Variants in RAB6A observed in about 807,000 individuals in gnomAD.
The protein encoded by RAB6A is RAB6A, member RAS oncogene family.
A neutral mutation model predicts 32.3 loss-of-function variants in RAB6A; 8 were observed. The observed-to-expected ratio is 0.25, with a 90% CI of 0.15 to 0.45. The LOEUF (loss-of-function observed/expected upper bound fraction) is 0.45, where lower values mean the gene tolerates loss of function less well. Among genes scored for constraint, RAB6A ranks in the 20% least tolerant of loss-of-function variants. RAB6A has a pLI of 1.00. For missense variants in RAB6A, 104 were observed against 249.4 expected (o/e 0.42, Z 3.93); for synonymous variants, 73 against 82.1 (o/e 0.89, Z 0.60).
chr11:73,741,937 T>C (rs1465746018), intron 1 of RAB6A, among the ~76,000 whole-genome samples: 1 of 152,072 alleles, frequency 6.6e-6, no homozygotes, highest in South Asian at 2.1e-4. Context: ...AGGAGACATA[T>C]AGGGACAAGA....
intron 6 of RAB6A, among the ~76,000 whole-genome samples, chr11:73,700,562 T>C (rs1273819807): frequency 2.7e-5 from 3 of 111,388 alleles, no homozygotes; most frequent in African/African-American, 1.1e-4. Context: ...CCAGCCTGGG[T>C]GACAGAGCAA....
chr11:73,724,805 C>T (rs1285780064), intron 2 of RAB6A, among the ~76,000 whole-genome samples: 2 of 152,056 alleles, frequency 1.3e-5, no homozygotes, highest in African/African-American at 2.4e-5. Context: ...TATTTCTTTA[C>T]AGCACTTTTG....
intron 3 of RAB6A, among the ~76,000 whole-genome samples, chr11:73,720,010 AAAT>A (rs961345909): frequency 4.9e-4 from 75 of 152,146 alleles, no homozygotes; most frequent in African/African-American, 1.7e-3. Context: ...ACTGGAAATT[AAAT>A]AATGTTTTTG....
At chr11:73,747,836 A>G (rs1380271123) in intron 1 of RAB6A, among the ~76,000 whole-genome samples, 1 of 152,160 alleles carries the variant, frequency 6.6e-6, no homozygotes, top group African/African-American at 2.4e-5. Flanking sequence ...GAGGCCATGA[A>G]TTCTTGGCAA....
intron 1 of RAB6A, among the ~76,000 whole-genome samples, chr11:73,731,831 T>G (rs956148564): frequency 6.8e-6 from 1 of 147,688 alleles, no homozygotes; most frequent in Non-Finnish European, 1.5e-5. Flanking sequence ...AACCTCCGCC[T>G]CCCGGGTTCA....
chr11:73,718,983 G>A, intron 3 of RAB6A: 6 of 1,186,226 alleles, frequency 5.1e-6, no homozygotes, highest in South Asian at 3.0e-5. Flanking sequence ...GGGAGAGGGT[G>A]GGAAGGAAGT....
At chr11:73,685,434 G>A (rs894708727) in intron 6 of RAB6A, among the ~76,000 whole-genome samples, 3 of 151,182 alleles carry the variant, frequency 2.0e-5, no homozygotes, top group African/African-American at 7.3e-5. Context: ...GACTACAGGT[G>A]CCTGTGCCAC....
chr11:73,760,385 G>A (rs919395749), intron 1 of RAB6A, among the ~76,000 whole-genome samples, 181 bp downstream of exon 1: 4 of 152,112 alleles, frequency 2.6e-5, no homozygotes, highest in Admixed American at 1.3e-4. Context: ...CGGGGAACAG[G>A]GTAAAAACTC....
chr11:73,719,496 T>C (rs1946103190), intron 3 of RAB6A, among the ~76,000 whole-genome samples: 1 of 152,244 alleles, frequency 6.6e-6, no homozygotes, highest in African/African-American at 2.4e-5. Context: ...GAGGAAGATC[T>C]TTTTGCAGCC....
At chr11:73,720,292 T>C (rs1305754153) in intron 3 of RAB6A, among the ~76,000 whole-genome samples, 1 of 151,254 alleles carries the variant, frequency 6.6e-6, no homozygotes, top group East Asian at 2.0e-4. Context: ...GCGATTCTCC[T>C]GCCTCAGCCT....
chr11:73,713,658 T>G (rs1946002867), intron 5 of RAB6A, among the ~76,000 whole-genome samples: 1 of 152,218 alleles, frequency 6.6e-6, no homozygotes, highest in Non-Finnish European at 1.5e-5. Flanking sequence ...GTATTCAAAC[T>G]TATCAATCAT....
At chr11:73,739,284 A>AATATATATATATATATATATAT (rs1555066941) in intron 1 of RAB6A, among the ~76,000 whole-genome samples, 1 of 6,762 alleles carries the variant, frequency 1.5e-4, no homozygotes, top group Non-Finnish European at 3.4e-4. Context: ...AAAAAAAAAA[A>AATATATATATATATATATATAT]ATATATATAT....
chr11:73,728,114 A>T (rs1348158820), intron 2 of RAB6A, among the ~76,000 whole-genome samples: 2 of 152,220 alleles, frequency 1.3e-5, no homozygotes, highest in Non-Finnish European at 2.9e-5. Flanking sequence ...AAAGATTTAC[A>T]GTGTGCTTAG....
chr11:73,709,967 T>A lies in RAB6A; in HGVS notation c.402-2454A>T, dbSNP rs1484934696. ...CACACACACATATATATATATTTTT[T>A]TTTTTTTTTGAGACGGAGTCTTGCT... On this transcript the variant is annotated intron_variant, in intron 5 of 7. Coordinates refer to ENST00000336083, the MANE Select transcript of RAB6A (RefSeq NM_198896.2). Among the ~76,000 whole-genome samples the A allele has an allele frequency of 7.7e-4, 48 of 62,050 alleles. 1 individual carries two copies. The highest frequency in any genetic ancestry group is 8.9e-3 in the Middle Eastern group (1 of 112). The allele number at this position is 62,050 out of a possible 152,430, so 40.7% of individuals were successfully genotyped here. A position where few individuals can be genotyped will look rare whatever the true frequency, so the allele number is the denominator to read the frequency against.
intron 6 of RAB6A, among the ~76,000 whole-genome samples, chr11:73,702,682 AATTAAG>A (rs767827472): frequency 3.9e-4 from 60 of 152,314 alleles, no homozygotes; most frequent in Non-Finnish European, 7.8e-4. Flanking sequence ...AGCCAGTAAC[AATTAAG>A]ATTATCTAGA....
chr11:73,749,729 G>A (rs747300347), intron 1 of RAB6A, among the ~76,000 whole-genome samples: 7 of 152,140 alleles, frequency 4.6e-5, no homozygotes, highest in Non-Finnish European at 4.4e-5. Context: ...AGGTGTGGTG[G>A]TATGTGCCTA....
intron 6 of RAB6A, among the ~76,000 whole-genome samples, chr11:73,680,281 A>G (rs888885927): frequency 2.0e-5 from 3 of 152,330 alleles, no homozygotes; most frequent in Middle Eastern, 6.8e-3. Context: ...TTTGAATAAT[A>G]AAGTATTACA....
chr11:73,723,325 T>C (rs1946170622), intron 2 of RAB6A, among the ~76,000 whole-genome samples: 3 of 151,620 alleles, frequency 2.0e-5, no homozygotes, highest in Admixed American at 6.6e-5. Context: ...TTTTATTTTA[T>C]TTTATTTATT....
At chr11:73,731,686 ATATATATATATATATATATATAT>A (rs1480672034) in intron 1 of RAB6A, among the ~76,000 whole-genome samples, 723 of 27,580 alleles carry the variant, frequency 0.026, 46 homozygotes, top group South Asian at 0.064. Flanking sequence ...GATAGATATT[ATATATATATATATATATATATAT>A]ATATATATAT....
Sources: allele counts gnomAD v4.1 joint callset (sites outside exome capture counted in the v4.1 genomes callset), GRCh38; gene constraint gnomAD v4.1.1; transcripts MANE v1.5; gene names NCBI Gene and HGNC (gene_info 2026-07-23, HGNC 2026-07-21).